DUSP26: variants seen among roughly 807,000 people sequenced by gnomAD.
DUSP26 encodes the protein dual specificity protein phosphatase 26.
A neutral mutation model predicts 20.0 loss-of-function variants in DUSP26; 12 were observed. The ratio of observed to expected loss-of-function variants is 0.60; its 90% CI spans 0.38 to 0.97. The LOEUF is 0.97. Among genes scored for constraint, DUSP26 ranks in the 50% least tolerant of loss-of-function variants. The probability of loss-of-function intolerance (pLI) is 0.00; values close to 1 mark genes in which losing one functional copy is unlikely to be tolerated. For synonymous variants in DUSP26, 120 were observed against 118.8 expected (o/e 1.01, Z -0.06); for missense variants, 230 against 294.0 (o/e 0.78, Z 1.59).
In DUSP26 at chr8:33,591,354, C is replaced by T. The variant is rs1811013490; in HGVS notation, c.*659G>A. 2 of 152,564 alleles carry T rather than the reference C, an allele frequency of 1.3e-5. No individual in the cohort carries two copies. The highest frequency in any genetic ancestry group is 4.8e-5 in the African/African-American group (2 of 41,424). 9.5% of individuals were successfully genotyped at this position (152,564 alleles called of 1,614,324 possible). The stretch of plus-strand genomic sequence containing the variant: ...CTTCTTTTTCATGATCTTTATTTAT[C>T]CTCGAGACGCTTGGATCCAGTAAGC... On this transcript the variant is annotated 3_prime_UTR_variant, in exon 4 of 4. Coordinates refer to ENST00000256261, the MANE Select transcript of DUSP26 (RefSeq NM_024025.3).
At chr8:33,593,965 A>G (rs1036969646) in intron 2 of DUSP26, among the ~76,000 whole-genome samples, 1 of 152,038 alleles carries the variant, frequency 6.6e-6, no homozygotes, top group Non-Finnish European at 1.5e-5. Context: ...GATTACAGGC[A>G]CATGCCACTA....
Position 33,599,935 on chromosome 8 carries a change from G to A in DUSP26, c.-347C>T, listed in dbSNP as rs1811233722. On this transcript the variant is annotated 5_prime_UTR_variant, in exon 1 of 4. Transcript: ENST00000256261. The stretch of plus-strand genomic sequence containing the variant: ...TCCCCAGCCAACCCCCCACGAGCCC[G>A]CGCGCCTTGCAGACCAGACACGGCC... 1 of 152,222 alleles carries A rather than the reference G, an allele frequency of 6.6e-6. No homozygotes were observed. Among genetic ancestry groups the A allele is most frequent in the African/African-American group, 2.4e-5 (1 of 41,450 alleles). 9.4% of individuals were successfully genotyped at this position (152,222 alleles called of 1,614,324 possible).
rs1811110409 is a variant in DUSP26 at position 33,595,063 on chromosome 8, G to A, written c.222-1316C>T. 2.0e-5 allele frequency among the ~76,000 whole-genome samples: 3 copies of A among 152,120 alleles called. No individual in the cohort carries two copies. The South Asian group carries it at 6.2e-4, about 31-fold the overall frequency. ...ATACAAGGAAGTACATTCTAATGGT[G>A]GAGTCTAGCTGAGGAAAGGGTGGAG... On this transcript the variant is annotated intron_variant, in intron 2 of 3. Coordinates refer to ENST00000256261, the MANE Select transcript of DUSP26 (RefSeq NM_024025.3).
At chr8:33,592,538 C>CAAAAAAAAAAAAA (rs745687703) in intron 3 of DUSP26, among the ~76,000 whole-genome samples, 2 of 23,768 alleles carry the variant, frequency 8.4e-5, no homozygotes, top group African/African-American at 3.4e-4. Flanking sequence ...AACCCCATCT[C>CAAAAAAAAAAAAA]AAAAAAAAAA....
intron 2 of DUSP26, among the ~76,000 whole-genome samples, chr8:33,594,303 A>G (rs1712563343): frequency 1.3e-5 from 2 of 151,312 alleles, no homozygotes; most frequent in South Asian, 4.2e-4. Context: ...ATAAAACTGA[A>G]AGTGTGCGGC....
intron 3 of DUSP26, 35 bp downstream of exon 3, chr8:33,593,498 C>A (rs757963284): frequency 2.5e-6 from 4 of 1,596,444 alleles, no homozygotes; most frequent in South Asian, 1.1e-5. Flanking sequence ...TTCCAGGCAC[C>A]CTGTTCTTTC....
Position 33,594,733 on chromosome 8 carries a change from T to TC in DUSP26, c.222-987_222-986insG, listed in dbSNP as rs577654366. On this transcript the variant is annotated intron_variant, in intron 2 of 3. Transcript: ENST00000256261. ...GAAGCAGATTTCATTTTTTTTTTTT[T>TC]TGGGAGGTGGGACAGAGTCTTGCTA... Among the ~76,000 whole-genome samples the TC allele has an allele frequency of 1.3e-3, 203 of 151,402 alleles. 1 individual carries two copies. The highest frequency in any genetic ancestry group is 4.9e-3 in the African/African-American group (201 of 40,954).
In DUSP26 at chr8:33,591,884, C is replaced by T. The variant is rs147901900; in HGVS notation, c.*129G>A. On this transcript the variant is annotated 3_prime_UTR_variant, in exon 4 of 4. Coordinates refer to ENST00000256261, the MANE Select transcript of DUSP26 (RefSeq NM_024025.3). ...CAAAGAGTGACAGTGGCCTGGGGCT[C>T]GGCCTCTCCTGACCCCAGGGGAGGA... is the stretch of plus-strand genomic sequence containing the variant. 15,510 of 1,057,166 alleles carry T rather than the reference C, an allele frequency of 0.015. 180 individuals carry two copies. The highest frequency in any genetic ancestry group is 0.036 in the South Asian group (2,309 of 63,472). The allele number at this position is 1,057,166 out of a possible 1,614,324, so 65.5% of individuals were successfully genotyped here.
Position 33,593,745 on chromosome 8 carries a change from T to G in DUSP26, c.224A>C (p.Asp75Ala). Reference sequence around the variant, plus strand: ...AAGCTCCCGGCGGTTGTTAGCCATGTCCCTGCATTGAGTAGAGGTTAGAGG... The same window carrying G: ...AAGCTCCCGGCGGTTGTTAGCCATGGCCCTGCATTGAGTAGAGGTTAGAGG... ...VWPGLYLGDQDMANNRRELRR... is the reference protein window; with the variant it reads ...VWPGLYLGDQAMANNRRELRR... The change falls in exon 3 of 4, where the codon GAC (aspartate) becomes GCC (alanine). Residue 75 changes from aspartate (D) to alanine (A), a missense_variant and splice_region_variant. Transcript: ENST00000256261. 1 of 1,614,136 alleles carries G rather than the reference T, an allele frequency of 6.2e-7. No homozygotes were observed. Among genetic ancestry groups the G allele is most frequent in the Non-Finnish European group, 8.5e-7 (1 of 1,179,988 alleles).
At chr8:33,594,567 G>A (rs561977695) in intron 2 of DUSP26, among the ~76,000 whole-genome samples, 25 of 151,636 alleles carry the variant, frequency 1.6e-4, no homozygotes, top group African/African-American at 5.8e-4. Flanking sequence ...ACTCCAGCCT[G>A]GGTGACAGAG....
chr8:33,592,197 T>C lies in DUSP26; in HGVS notation c.452A>G (p.His151Arg), dbSNP rs763085303. 1.2e-5 allele frequency: 19 copies of C among 1,609,906 alleles called. No individual in the cohort carries two copies. The highest frequency in any genetic ancestry group is 1.6e-5 in the Non-Finnish European group (19 of 1,178,360). Residue 151 changes from histidine to arginine, a missense_variant, in exon 4 of 4, where the codon CAT (histidine) becomes CGT (arginine). Transcript: ENST00000256261. ...GGATCGGCTCACGCCCACAGCACAATGCACCAGGATCTTCCCTGAGAGGAG... is the reference window on the plus strand; with the variant it reads ...GGATCGGCTCACGCCCACAGCACAACGCACCAGGATCTTCCCTGAGAGGAG... Reference protein sequence around the residue: ...LSQPGGKILVHCAVGVSRSAT... With the variant: ...LSQPGGKILVRCAVGVSRSAT...
chr8:33,591,798 G>T lies in DUSP26; in HGVS notation c.*215C>A, dbSNP rs1422504903. The T allele has an allele frequency of 8.6e-6, 5 of 581,628 alleles. No individual in the cohort carries two copies. The Admixed American group carries it at 1.3e-4, about 15-fold the overall frequency. 36.0% of individuals were successfully genotyped at this position (581,628 alleles called of 1,614,324 possible). A position where few individuals can be genotyped will look rare whatever the true frequency, so the allele number is the denominator to read the frequency against. On this transcript the variant is annotated 3_prime_UTR_variant, in exon 4 of 4. Coordinates refer to ENST00000256261, the MANE Select transcript of DUSP26 (RefSeq NM_024025.3). ...TACAGCCTAGCTGCCTCCTTCCCTG[G>T]TCAACCCTTCCTGGGTGCCCATCCA...
At chr8:33,599,139 TCATCACTACCACCATCACCAC>T (rs1295837230) in intron 1 of DUSP26, among the ~76,000 whole-genome samples, 19 of 141,934 alleles carry the variant, frequency 1.3e-4, no homozygotes, top group African/African-American at 5.6e-4. Context: ...ACCATCACCA[TCATCACTACCACCATCACCAC>T]CATCACTATC....
chr8:33,594,970 T>C (rs998115396), intron 2 of DUSP26, among the ~76,000 whole-genome samples: 10 of 151,986 alleles, frequency 6.6e-5, no homozygotes, highest in African/African-American at 2.2e-4. Flanking sequence ...GATCCACCTA[T>C]CTAGGCCTCC....
intron 2 of DUSP26, among the ~76,000 whole-genome samples, chr8:33,594,992 G>A (rs951794304): frequency 2.0e-5 from 3 of 152,136 alleles, no homozygotes; most frequent in African/African-American, 7.2e-5. Context: ...AAAGTGCTGG[G>A]ATTATAGGCG....
At position 33,597,291 on chromosome 8, in the gene DUSP26, A is replaced by T. The variant is rs776198250; in HGVS notation, c.221+4T>A. 1.2e-6 allele frequency: 2 copies of T among 1,609,242 alleles called. No homozygotes were observed. The highest frequency in any genetic ancestry group is 1.7e-6 in the Non-Finnish European group (2 of 1,178,258). On this transcript the variant is annotated splice_donor_region_variant and intron_variant, in intron 2 of 3. Transcript: ENST00000256261. ...ACCGTGGGCCCAGTCTGCCCGATACATACTGGTCTCCGAGATAGAGGCCTG... is the reference window on the plus strand; with the variant it reads ...ACCGTGGGCCCAGTCTGCCCGATACTTACTGGTCTCCGAGATAGAGGCCTG...
chr8:33,592,252 T>C, intron 3 of DUSP26, 40 bp from the exon 4 acceptor site: 8 of 1,527,876 alleles, frequency 5.2e-6, no homozygotes, highest in South Asian at 1.2e-5. Context: ...AGACTGCTTG[T>C]GGCAGCTTGG....
In DUSP26 at chr8:33,593,746, C is replaced by T; in HGVS notation, c.223G>A (p.Asp75Asn). The T allele has an allele frequency of 6.2e-7, 1 of 1,614,102 alleles. No individual in the cohort carries two copies. The highest frequency in any genetic ancestry group is 2.2e-5 in the East Asian group (1 of 44,876). Residue 75 changes from aspartate (D) to asparagine (N), a missense_variant and splice_region_variant, in exon 3 of 4, where the codon GAC (aspartate) becomes AAC (asparagine). Transcript: ENST00000256261. ...VWPGLYLGDQ[D>N]MANNRRELRR... ...AGCTCCCGGCGGTTGTTAGCCATGT[C>T]CCTGCATTGAGTAGAGGTTAGAGGA...
Position 33,591,903 on chromosome 8 carries a change from G to T in DUSP26, c.*110C>A. ...GGGGCTCGGCCTCTCCTGACCCCAG[G>T]GGAGGATGGGTGATCTGGGCCTCCT... On this transcript the variant is annotated 3_prime_UTR_variant, in exon 4 of 4. Coordinates refer to ENST00000256261, the MANE Select transcript of DUSP26 (RefSeq NM_024025.3). 7.7e-7 allele frequency: 1 copy of T among 1,298,050 alleles called. No individual in the cohort carries two copies. The highest frequency in any genetic ancestry group is 2.5e-5 in the East Asian group (1 of 40,746). 80.4% of individuals were successfully genotyped at this position (1,298,050 alleles called of 1,614,324 possible). A position where few individuals can be genotyped will look rare whatever the true frequency, so the allele number is the denominator to read the frequency against.
Sources: gnomAD v4.1 joint callset for allele counts (sites outside exome capture counted in the v4.1 genomes callset) on GRCh38, gnomAD v4.1.1 for gene constraint, MANE v1.5 for transcripts, NCBI Gene and HGNC (gene_info 2026-07-23, HGNC 2026-07-21) for gene names.